CPSF4L: variants seen among roughly 807,000 people sequenced by gnomAD.
CPSF4L encodes the protein cleavage and polyadenylation specific factor 4 like, also known as putative cleavage and polyadenylation specificity factor subunit 4-like protein.
Under a neutral mutation model 24.0 loss-of-function variants are expected in CPSF4L, and 18 were observed. The observed-to-expected ratio is 0.75, with a 90% CI of 0.52 to 1.11. The LOEUF is 1.11. Among genes scored for constraint, CPSF4L ranks in the 50% least tolerant of loss-of-function variants. CPSF4L has a pLI of 0.00. For synonymous variants in CPSF4L, 72 were observed against 77.2 expected (o/e 0.93, Z 0.35); for missense variants, 211 against 221.8 (o/e 0.95, Z 0.31).
downstream of CPSF4L, among the ~76,000 whole-genome samples, chr17:73,244,191 A>T (rs1297648145): frequency 6.6e-6 from 1 of 152,222 alleles, no homozygotes; most frequent in Non-Finnish European, 1.5e-5. Context: ...CCTTCTAGTT[A>T]AAAAGATGAG....
downstream of CPSF4L, chr17:73,245,663 C>T: frequency 2.0e-6 from 2 of 985,312 alleles, no homozygotes; most frequent in Non-Finnish European, 2.4e-6. Flanking sequence ...TCTTTGGGGC[C>T]CTTGACCAGA....
chr17:73,263,025 C>T (rs1423399071), upstream of CPSF4L, among the ~76,000 whole-genome samples: 1 of 152,208 alleles, frequency 6.6e-6, no homozygotes, highest in African/African-American at 2.4e-5. Flanking sequence ...TTTCCAGAAG[C>T]TCAGGCCTCT....
At chr17:73,252,443 A>AT (rs1233926973) in intron 5 of CPSF4L, among the ~76,000 whole-genome samples, 187 bp downstream of exon 5, 2 of 152,216 alleles carry the variant, frequency 1.3e-5, no homozygotes, top group Non-Finnish European at 2.9e-5. Context: ...ATGAATACAC[A>AT]TTAAGAGGAT....
chr17:73,256,293 T>C (rs1057117331), intron 3 of CPSF4L, among the ~76,000 whole-genome samples: 1 of 152,182 alleles, frequency 6.6e-6, no homozygotes, highest in African/African-American at 2.4e-5. Flanking sequence ...AGGGGAGACA[T>C]GGGGGCAGCT....
chr17:73,257,347 G>A (rs751942847), intron 3 of CPSF4L, among the ~76,000 whole-genome samples: 5 of 151,998 alleles, frequency 3.3e-5, no homozygotes, highest in South Asian at 2.1e-4. Context: ...AGTTCTAGCC[G>A]GGGCCTGAGA....
chr17:73,253,912 C>G lies in CPSF4L; in HGVS notation c.403+19G>C, dbSNP rs189371912. 698 of 1,536,522 alleles carry G rather than the reference C, an allele frequency of 4.5e-4. No individual in the cohort carries two copies. Among genetic ancestry groups the G allele is most frequent in the Non-Finnish European group, 5.5e-4 (621 of 1,133,664 alleles). ...TGATCCCCACAGCCCCTAGGGCTCC[C>G]TGGCTTCCAAGGCCTCACCGTCCTT... On this transcript the variant is annotated intron_variant, in intron 4 of 5. Coordinates refer to ENST00000344935, the MANE Select transcript of CPSF4L (RefSeq NM_001129885.1).
intron 5 of CPSF4L, chr17:73,250,155 A>G: frequency 2.3e-6 from 3 of 1,325,508 alleles, no homozygotes; most frequent in Non-Finnish European, 3.1e-6. Flanking sequence ...TACCCTGCTT[A>G]GGATGACAGC....
Position 73,261,727 on chromosome 17 carries a change from T to A in CPSF4L, c.92A>T (p.Gln31Leu). 1.3e-6 allele frequency: 2 copies of A among 1,550,264 alleles called. No homozygotes were observed. Among genetic ancestry groups the A allele is most frequent in the Non-Finnish European group, 8.7e-7 (1 of 1,145,830 alleles). The stretch of plus-strand genomic sequence containing the variant: ...CCACCCTCACTCACTGTCCATGCCC[T>A]GGAAAGGCAGGAGCCCAGTGCCCTT... ...MQKGTGLLPFQGMDKSASAVC... is the reference protein window; with the variant it reads ...MQKGTGLLPFLGMDKSASAVC... The change falls in exon 1 of 6, where the codon CAG becomes CTG. Residue 31 changes from glutamine to leucine, a missense_variant. Physicochemically the swap from Gln to Leu is moderately radical, Grantham distance 113. Coordinates refer to ENST00000344935, the MANE Select transcript of CPSF4L (RefSeq NM_001129885.1).
intron 3 of CPSF4L, 44 bp downstream of exon 3, chr17:73,257,637 T>TGCCACCCTCCAGGGTGAGGCACC: frequency 6.5e-7 from 1 of 1,545,174 alleles, no homozygotes; most frequent in Non-Finnish European, 8.8e-7. Flanking sequence ...CAGCCCACAC[T>TGCCACCCTCCAGGGTGAGGCACC]GCCACCCTCC....
At chr17:73,245,078 A>G (rs1599400086), downstream of CPSF4L, 33 of 1,265,346 alleles carry the variant, frequency 2.6e-5, no homozygotes, top group East Asian at 6.9e-4. Flanking sequence ...CTTATAAAAC[A>G]AAAAGAGAAT....
intron 3 of CPSF4L, among the ~76,000 whole-genome samples, chr17:73,256,587 A>C (rs2062025282): frequency 6.6e-6 from 1 of 152,212 alleles, no homozygotes; most frequent in Non-Finnish European, 1.5e-5. Flanking sequence ...TGGACTAGAT[A>C]ATCCGTAAGG....
At chr17:73,245,914 T>C (rs1479948024), downstream of CPSF4L, among the ~76,000 whole-genome samples, 1 of 152,200 alleles carries the variant, frequency 6.6e-6, no homozygotes, top group South Asian at 2.1e-4. Flanking sequence ...CAAGAGTTTC[T>C]GTGCATTACT....
chr17:73,252,328 C>A (rs1174864269), intron 5 of CPSF4L, among the ~76,000 whole-genome samples: 1 of 152,180 alleles, frequency 6.6e-6, no homozygotes, highest in Non-Finnish European at 1.5e-5. Flanking sequence ...CTCCCTTAGC[C>A]AGGGCGTGAG....
intron 2 of CPSF4L, among the ~76,000 whole-genome samples, chr17:73,260,197 G>A (rs1445382003): frequency 1.3e-5 from 2 of 152,144 alleles, no homozygotes; most frequent in African/African-American, 4.8e-5. Flanking sequence ...AGTCAGAGCA[G>A]GGGACTGGGG....
intron 5 of CPSF4L, among the ~76,000 whole-genome samples, chr17:73,252,399 A>G (rs1252289701): frequency 6.6e-6 from 1 of 152,208 alleles, no homozygotes; most frequent in African/African-American, 2.4e-5. Context: ...TATTACTAGA[A>G]CAGTTTGTGA....
At chr17:73,242,929 G>C in the CPSF4L span, 1 of 1,614,020 alleles carries the variant, frequency 6.2e-7, no homozygotes, top group South Asian at 1.1e-5. Flanking sequence ...ATAAGGAAGA[G>C]TGGATTCGGT....
chr17:73,249,499 G>A (rs1377401464), intron 5 of CPSF4L, among the ~76,000 whole-genome samples: 2 of 152,094 alleles, frequency 1.3e-5, no homozygotes, highest in African/African-American at 2.4e-5. Context: ...CGACTCCTGG[G>A]CTCCATTCTT....
chr17:73,251,220 G>A lies in CPSF4L; in HGVS notation c.497+1410C>T, dbSNP rs1208151023. 4 of 1,225,046 alleles carry A rather than the reference G, an allele frequency of 3.3e-6. No individual in the cohort carries two copies. In the African/African-American group the frequency reaches 6.1e-5, roughly 19 times the overall value. The allele number at this position is 1,225,046 out of a possible 1,614,324, so 75.9% of individuals were successfully genotyped here. A position where few individuals can be genotyped will look rare whatever the true frequency, so the allele number is the denominator to read the frequency against. ...CATTTAGGGTGAAACCAGGGTTCAA[G>A]ATGCCTTTAGTTACAGTTTTAAGTG... On this transcript the variant is annotated intron_variant, in intron 5 of 5. Coordinates refer to ENST00000344935, the MANE Select transcript of CPSF4L (RefSeq NM_001129885.1).
At chr17:73,257,080 G>A (rs73358929) in intron 3 of CPSF4L, among the ~76,000 whole-genome samples, 2,447 of 152,222 alleles carry the variant, frequency 0.016, 51 homozygotes, top group East Asian at 0.026. Context: ...AAGCCAGAGG[G>A]AGGTAAGATG....
Sources: allele counts gnomAD v4.1 joint callset (sites outside exome capture counted in the v4.1 genomes callset), GRCh38; gene constraint gnomAD v4.1.1; transcripts MANE v1.5; gene names NCBI Gene and HGNC (gene_info 2026-07-23, HGNC 2026-07-21).